KIF4A: variants seen among roughly 807,000 people sequenced by gnomAD.
KIF4A encodes the protein kinesin family member 4A, also known as chromosome-associated kinesin KIF4A.
KIF4A carries 7 observed loss-of-function variants against 105.9 expected under a neutral mutation model. The observed-to-expected ratio is 0.07, with a 90% CI of 0.04 to 0.12. The LOEUF is 0.12. Ranked by LOEUF, KIF4A falls within the 10% of genes least tolerant of loss-of-function variation. The pLI is 1.00. For missense variants in KIF4A, 558 were observed against 929.2 expected, an observed-to-expected ratio of 0.60 and a Z score of 5.19; for synonymous variants, 281 against 331.3, an observed-to-expected ratio of 0.85 and a Z score of 1.65.
At chrX:70,349,622 G>A (rs1019917806) in intron 13 of KIF4A, among the ~76,000 whole-genome samples, 5 of 100,305 alleles carry the variant, frequency 5.0e-5, no homozygotes, top group African/African-American at 1.5e-4. Flanking sequence ...GGTGGTGGCC[G>A]GGCAGAGGCG....
chrX:70,290,228 C>G, intron 1 of KIF4A, 78 bp downstream of exon 1: 1 of 369,087 alleles, frequency 2.7e-6, no homozygotes, highest in Non-Finnish European at 4.6e-6. Flanking sequence ...TGTCGCCGTC[C>G]CCGTTGGAGT....
At chrX:70,416,118 C>T (rs1316720796) in intron 28 of KIF4A, among the ~76,000 whole-genome samples, 10 of 109,637 alleles carry the variant, frequency 9.1e-5, no homozygotes, top group Non-Finnish European at 1.7e-4. Flanking sequence ...CTGCCCGCCT[C>T]GGCCTCCCAA....
chrX:70,415,741 A>G (rs1159580259), intron 28 of KIF4A, among the ~76,000 whole-genome samples: 1 of 107,404 alleles, frequency 9.3e-6, no homozygotes, highest in Non-Finnish European at 1.9e-5. Context: ...CCTTGGTTAT[A>G]TCTGCATTTT....
intron 24 of KIF4A, among the ~76,000 whole-genome samples, 188 bp from the exon 25 acceptor site, chrX:70,404,527 G>A (rs199936923): frequency 8.6e-5 from 9 of 105,105 alleles, no homozygotes; most frequent in Non-Finnish European, 1.2e-4. Flanking sequence ...GCAACAGAAA[G>A]AAAAAAAAAA....
chrX:70,353,841 T>C, intron 15 of KIF4A, 34 bp downstream of exon 15: 12 of 1,044,776 alleles, frequency 1.1e-5, no homozygotes, highest in Non-Finnish European at 1.5e-5. Context: ...TTTGTTCATG[T>C]CTACAGTCTC....
At chrX:70,305,561 T>C (rs1274646845) in intron 7 of KIF4A, among the ~76,000 whole-genome samples, 1 of 112,706 alleles carries the variant, frequency 8.9e-6, no homozygotes, top group East Asian at 2.8e-4. Flanking sequence ...TCTTCCATTG[T>C]ATGGAAATAC....
chrX:70,350,298 A>C (rs1311820932), intron 13 of KIF4A, among the ~76,000 whole-genome samples: 1 of 111,573 alleles, frequency 9.0e-6, no homozygotes, highest in Non-Finnish European at 1.9e-5. Context: ...CAGCCTGGTC[A>C]ACACGGCGAA....
intron 30 of KIF4A, 103 bp from the exon 31 acceptor site, chrX:70,419,959 A>C (rs902407045): frequency 4.1e-6 from 4 of 969,695 alleles, no homozygotes; most frequent in Non-Finnish European, 5.7e-6. Flanking sequence ...CTTAAAGAAC[A>C]CTTCATACTA....
At chrX:70,366,393 A>G (rs1375179394) in intron 15 of KIF4A, among the ~76,000 whole-genome samples, 7 of 112,009 alleles carry the variant, frequency 6.2e-5, no homozygotes, top group African/African-American at 2.3e-4. Context: ...ATTTAGTGCT[A>G]TAAATTTCCC....
intron 15 of KIF4A, among the ~76,000 whole-genome samples, chrX:70,366,594 A>G (rs764979135): frequency 3.2e-4 from 36 of 112,161 alleles, no homozygotes; most frequent in African/African-American, 1.2e-3. Context: ...TTCTAATTTG[A>G]TTGCACTGTG....
chrX:70,365,255 C>G (rs2086096684), intron 15 of KIF4A, among the ~76,000 whole-genome samples: 1 of 111,380 alleles, frequency 9.0e-6, no homozygotes, highest in African/African-American at 3.3e-5. Flanking sequence ...GTCTGATTTC[C>G]CTGGCCAGAA....
chrX:70,347,265 A>G (rs1009343917), intron 13 of KIF4A, among the ~76,000 whole-genome samples: 2 of 111,665 alleles, frequency 1.8e-5, no homozygotes, highest in African/African-American at 6.5e-5. Flanking sequence ...CATCACCTTT[A>G]TGAAATCACG....
At chrX:70,364,453 A>C (rs867009627) in intron 15 of KIF4A, among the ~76,000 whole-genome samples, 68 of 108,622 alleles carry the variant, frequency 6.3e-4, no homozygotes, top group African/African-American at 2.0e-3. Flanking sequence ...TCAGCTTTCT[A>C]CATATGGCTA....
chrX:70,393,426 T>C (rs950570649), intron 20 of KIF4A, among the ~76,000 whole-genome samples: 1 of 111,768 alleles, frequency 8.9e-6, no homozygotes, highest in African/African-American at 3.2e-5. Context: ...ATGGAGTATC[T>C]ATAAATGTCA....
intron 20 of KIF4A, among the ~76,000 whole-genome samples, chrX:70,394,874 G>T (rs1389548160): frequency 9.0e-6 from 1 of 111,583 alleles, no homozygotes; most frequent in African/African-American, 3.3e-5. Context: ...TAATCACTCT[G>T]GCTTTCTTTT....
intron 15 of KIF4A, chrX:70,362,140 C>A: frequency 4.5e-6 from 1 of 220,253 alleles, no homozygotes; most frequent in East Asian, 1.4e-4. Context: ...AGGGACTGGT[C>A]GAGAGTCTCT....
chrX:70,348,803 T>TC (rs1000230831), intron 13 of KIF4A, among the ~76,000 whole-genome samples: 12 of 111,287 alleles, frequency 1.1e-4, no homozygotes, highest in Non-Finnish European at 2.3e-4. Context: ...TCCCCACATT[T>TC]CCCCCTCTTC....
chrX:70,410,625 T>C (rs1009117336), intron 28 of KIF4A, among the ~76,000 whole-genome samples: 2 of 111,951 alleles, frequency 1.8e-5, no homozygotes, highest in African/African-American at 6.5e-5. Context: ...GGGATGAAAC[T>C]GTTCCATCTC....
At chrX:70,301,864 TAAATC>T in intron 5 of KIF4A, 31 bp from the exon 6 acceptor site, 1 of 1,195,340 alleles carries the variant, frequency 8.4e-7, no homozygotes, top group African/African-American at 1.7e-5. Flanking sequence ...ATTTGAAGTA[TAAATC>T]ATAAGGGAAT....
Sources: gnomAD v4.1 joint callset for allele counts (sites outside exome capture counted in the v4.1 genomes callset) on GRCh38, gnomAD v4.1.1 for gene constraint, MANE v1.5 for transcripts, NCBI Gene and HGNC (gene_info 2026-07-23, HGNC 2026-07-21) for gene names.